The following WDR72 variants were observed in gnomAD, a reference collection of about 807,000 sequenced individuals.
WDR72 encodes the protein WD repeat domain 72.
WDR72 carries 120 observed loss-of-function variants against 124.2 expected under a neutral mutation model. The ratio of observed to expected loss-of-function variants is 0.97; its 90% CI spans 0.83 to 1.12. The LOEUF (loss-of-function observed/expected upper bound fraction) is 1.12. Ranked by LOEUF, WDR72 falls within the 50% of genes most tolerant of loss-of-function variation. WDR72 has a pLI of 0.00. For synonymous variants in WDR72, 452 were observed against 441.7 expected (o/e 1.02, Z -0.29); for missense variants, 1,387 against 1,278.8 (o/e 1.08, Z -1.29).
chr15:53,657,073 GC>G (rs1296303091), intron 14 of WDR72, among the ~76,000 whole-genome samples: 3 of 151,796 alleles, frequency 2.0e-5, no homozygotes, highest in Admixed American at 2.0e-4. Flanking sequence ...GACCATCCTG[GC>G]TAACACAGTG....
chr15:53,575,348 T>C (rs1894715364), intron 18 of WDR72, among the ~76,000 whole-genome samples: 1 of 152,152 alleles, frequency 6.6e-6, no homozygotes, highest in Admixed American at 6.5e-5. Context: ...ACACTTTATA[T>C]ATTAGGCTAT....
intron 18 of WDR72, among the ~76,000 whole-genome samples, chr15:53,532,981 A>C (rs544303600): frequency 6.6e-6 from 1 of 152,296 alleles, no homozygotes; most frequent in South Asian, 2.1e-4. Context: ...CATGGCACTG[A>C]GCTATCATTT....
chr15:53,760,705 G>A (rs569552751), upstream of WDR72, among the ~76,000 whole-genome samples: 1 of 152,224 alleles, frequency 6.6e-6, no homozygotes, highest in African/African-American at 2.4e-5. Flanking sequence ...CCTAGCAATC[G>A]GGTTGCTGGA....
chr15:53,758,775 G>T (rs901502273), intron 1 of WDR72, among the ~76,000 whole-genome samples: 4 of 125,586 alleles, frequency 3.2e-5, no homozygotes, highest in African/African-American at 8.3e-5. Flanking sequence ...CTGCGGGGGG[G>T]GGGGGGGCGG....
chr15:53,671,872 T>C (rs1015942290), intron 13 of WDR72, among the ~76,000 whole-genome samples: 1 of 146,184 alleles, frequency 6.8e-6, no homozygotes, highest in Non-Finnish European at 1.5e-5. Flanking sequence ...AAAGATGAGA[T>C]GGAAATAAGA....
chr15:53,746,301 T>C (rs2018642673), intron 1 of WDR72, among the ~76,000 whole-genome samples: 1 of 152,174 alleles, frequency 6.6e-6, no homozygotes, highest in Non-Finnish European at 1.5e-5. Context: ...GACACTGGAA[T>C]TGTTTACCTT....
intron 12 of WDR72, among the ~76,000 whole-genome samples, chr15:53,701,536 G>GTCTC (rs370281315): frequency 0.031 from 3,163 of 101,478 alleles, 138 homozygotes; most frequent in African/African-American, 0.089. Flanking sequence ...GTGAGACCCT[G>GTCTC]TCTCTCTCTC....
At chr15:53,678,921 A>T (rs2016280208) in intron 13 of WDR72, among the ~76,000 whole-genome samples, 1 of 152,242 alleles carries the variant, frequency 6.6e-6, no homozygotes, top group Non-Finnish European at 1.5e-5. Flanking sequence ...CCATCAAATA[A>T]TGAATGGATG....
chr15:53,609,664 A>C, intron 16 of WDR72, 72 bp from the exon 17 acceptor site: 1 of 1,283,694 alleles, frequency 7.8e-7, no homozygotes, highest in Non-Finnish European at 1.1e-6. Flanking sequence ...GATGGGCTGC[A>C]TATTAGAATC....
intron 18 of WDR72, among the ~76,000 whole-genome samples, chr15:53,549,831 A>C (rs1425952727): frequency 6.6e-6 from 1 of 152,160 alleles, no homozygotes; most frequent in Non-Finnish European, 1.5e-5. Flanking sequence ...CTTTGGCCTT[A>C]TTTTTGTGCC....
At chr15:53,602,227 C>A (rs763635447) in intron 17 of WDR72, among the ~76,000 whole-genome samples, 3 of 152,074 alleles carry the variant, frequency 2.0e-5, no homozygotes, top group African/African-American at 4.8e-5. Flanking sequence ...ATAACCTACT[C>A]CTGAATGACT....
At chr15:53,609,399 C>A in intron 17 of WDR72, 114 bp downstream of exon 17, 1 of 903,026 alleles carries the variant, frequency 1.1e-6, no homozygotes, top group South Asian at 1.4e-5. Context: ...TGTTCAAAGG[C>A]CATTTTATGA....
chr15:53,590,416 CCCAGCTTT>C (rs1298048445), intron 18 of WDR72, among the ~76,000 whole-genome samples: 1 of 151,874 alleles, frequency 6.6e-6, no homozygotes, highest in East Asian at 1.9e-4. Flanking sequence ...AATGCTACAC[CCCAGCTTT>C]GCAGAGACTG....
At chr15:53,706,108 T>C (rs2017346896) in intron 9 of WDR72, 34 bp from the exon 10 acceptor site, 1 of 1,611,998 alleles carries the variant, frequency 6.2e-7, no homozygotes, top group Non-Finnish European at 8.5e-7. Context: ...GTAGGAAATA[T>C]TCTAACTAGA....
chr15:53,744,466 C>T (rs1453850419), intron 1 of WDR72, among the ~76,000 whole-genome samples: 1 of 152,180 alleles, frequency 6.6e-6, no homozygotes, highest in Non-Finnish European at 1.5e-5. Context: ...GACCTGCCAG[C>T]TCCCAAACTG....
At chr15:53,723,357 T>C (rs968023528) in intron 2 of WDR72, among the ~76,000 whole-genome samples, 2 of 152,200 alleles carry the variant, frequency 1.3e-5, no homozygotes, top group African/African-American at 4.8e-5. Flanking sequence ...TGTAAATTGG[T>C]ACAGCTATTT....
chr15:53,706,201 C>A, intron 9 of WDR72, 127 bp from the exon 10 acceptor site: 1 of 1,103,208 alleles, frequency 9.1e-7, no homozygotes, highest in Non-Finnish European at 1.3e-6. Context: ...ACTCTTTTGA[C>A]ATTTTCAAGT....
At chr15:53,625,129 C>T (rs74537728) in intron 14 of WDR72, among the ~76,000 whole-genome samples, 2,090 of 152,196 alleles carry the variant, frequency 0.014, 41 homozygotes, top group East Asian at 0.078. Context: ...ATCATTCTAA[C>T]GGAAGTGTCT....
chr15:53,638,393 C>A, intron 14 of WDR72, among the ~76,000 whole-genome samples: 1 of 152,066 alleles, frequency 6.6e-6, no homozygotes, highest in East Asian at 1.9e-4. Context: ...CAGAGGGCTA[C>A]CCTGGAATAG....
Sources: allele counts gnomAD v4.1 joint callset (sites outside exome capture counted in the v4.1 genomes callset), GRCh38; gene constraint gnomAD v4.1.1; transcripts MANE v1.5; gene names NCBI Gene and HGNC (gene_info 2026-07-23, HGNC 2026-07-21).